TTC23: variants seen among roughly 807,000 people sequenced by gnomAD.
The protein encoded by TTC23 is tetratricopeptide repeat protein 23.
Under a neutral mutation model 55.1 loss-of-function variants are expected in TTC23, and 58 were observed. The observed-to-expected ratio is 1.05, with a 90% CI of 0.85 to 1.31. The LOEUF is 1.31. Among genes scored for constraint, TTC23 ranks in the 50% most tolerant of loss-of-function variants. The pLI is 0.00. For synonymous variants in TTC23, 203 were observed against 199.9 expected, an observed-to-expected ratio of 1.02 and a Z score of -0.13; for missense variants, 516 against 534.4, an observed-to-expected ratio of 0.97 and a Z score of 0.34.
chr15:99,213,972 G>C (rs2077243706), intron 8 of TTC23, among the ~76,000 whole-genome samples: 1 of 152,178 alleles, frequency 6.6e-6, no homozygotes, highest in Admixed American at 6.5e-5. Context: ...ATGCCAAATA[G>C]TTTTCTAAAG....
intron 10 of TTC23, among the ~76,000 whole-genome samples, chr15:99,162,922 C>CA (rs1193808660): frequency 2.5e-3 from 361 of 146,098 alleles, no homozygotes; most frequent in Admixed American, 6.9e-3. Context: ...TAAACAATAC[C>CA]AAAAAAAAAA....
intron 9 of TTC23, among the ~76,000 whole-genome samples, chr15:99,193,468 A>C (rs149264756): frequency 6.3e-4 from 96 of 152,240 alleles, no homozygotes; most frequent in African/African-American, 2.2e-3. Flanking sequence ...AGTTTCCCTG[A>C]CCAATCTGTT....
intron 9 of TTC23, among the ~76,000 whole-genome samples, chr15:99,179,911 A>C (rs181089986): frequency 4.6e-4 from 70 of 152,342 alleles, no homozygotes; most frequent in Non-Finnish European, 9.1e-4. Flanking sequence ...TAGTGTTTAG[A>C]CTACACTGTC....
intron 12 of TTC23, among the ~76,000 whole-genome samples, chr15:99,153,317 C>T (rs1248564706): frequency 1.3e-5 from 2 of 152,252 alleles, no homozygotes; most frequent in Non-Finnish European, 2.9e-5. Context: ...TCCCCCAGGT[C>T]TGGCTAGCAC....
At chr15:99,207,638 T>A (rs2076729352) in intron 8 of TTC23, among the ~76,000 whole-genome samples, 1 of 152,114 alleles carries the variant, frequency 6.6e-6, no homozygotes, top group African/African-American at 2.4e-5. Context: ...GTGCCTGTAA[T>A]CCCAACTACT....
chr15:99,226,913 A>G (rs768488298), intron 5 of TTC23, among the ~76,000 whole-genome samples: 1 of 152,194 alleles, frequency 6.6e-6, no homozygotes, highest in Non-Finnish European at 1.5e-5. Flanking sequence ...CAGGGTATGC[A>G]CCTTGTCTGT....
chr15:99,194,048 A>G (rs947949616), intron 9 of TTC23, among the ~76,000 whole-genome samples: 7 of 152,136 alleles, frequency 4.6e-5, no homozygotes, highest in African/African-American at 1.7e-4. Context: ...AACTTTTACT[A>G]AAGTTTTGAA....
chr15:99,197,547 G>A (rs376984646), intron 9 of TTC23, among the ~76,000 whole-genome samples: 2 of 151,978 alleles, frequency 1.3e-5, no homozygotes, highest in African/African-American at 4.8e-5. Flanking sequence ...ACTGTGCTAA[G>A]CTCTTTACAA....
chr15:99,149,684 C>T (rs1362926955), intron 12 of TTC23, among the ~76,000 whole-genome samples: 2 of 152,254 alleles, frequency 1.3e-5, no homozygotes, highest in Non-Finnish European at 2.9e-5. Context: ...AACCTGCCCA[C>T]AGACCACTGG....
intron 9 of TTC23, among the ~76,000 whole-genome samples, chr15:99,177,598 T>G (rs1234056648): frequency 6.6e-6 from 1 of 152,218 alleles, no homozygotes; most frequent in Non-Finnish European, 1.5e-5. Context: ...CCCTACTATC[T>G]CTACGATCTG....
At position 99,180,300 on chromosome 15, in the gene TTC23, C is replaced by CA. The variant is rs1317196137; in HGVS notation, c.760-5146dup. Among the ~76,000 whole-genome samples, 48 of 142,140 alleles carry CA rather than the reference C, an allele frequency of 3.4e-4. No individual in the cohort carries two copies. In the East Asian group the frequency reaches 5.3e-3, roughly 16 times the overall value. The allele number at this position is 142,140 out of a possible 152,430, so 93.2% of individuals were successfully genotyped here. ...CTGGCATGTTGGACTGGGTTAAAAA[C>CA]AAAAAAAAACTTCTAATATTCCACA... On this transcript the variant is annotated intron_variant, in intron 9 of 13. Transcript: ENST00000394132.
At position 99,221,600 on chromosome 15, in the gene TTC23, C is replaced by G. The variant is rs1239624502; in HGVS notation, c.304+141G>C. The G allele has an allele frequency of 7.3e-6, 8 of 1,094,526 alleles. No homozygotes were observed. In the Admixed American group the frequency reaches 1.4e-4, roughly 19 times the overall value. The allele number at this position is 1,094,526 out of a possible 1,614,324, so 67.8% of individuals were successfully genotyped here. A position where few individuals can be genotyped will look rare whatever the true frequency, so the allele number is the denominator to read the frequency against. ...TTACAGGTTATATACCTTATCAACT[C>G]TTTCTAAAAAGAAATGGCTTCTTGG... On this transcript the variant is annotated intron_variant, in intron 6 of 13. Coordinates refer to ENST00000394132, the MANE Select transcript of TTC23 (RefSeq NM_001288615.3).
chr15:99,152,967 A>G (rs1253515232), intron 12 of TTC23, among the ~76,000 whole-genome samples: 3 of 149,640 alleles, frequency 2.0e-5, no homozygotes, highest in Non-Finnish European at 4.5e-5. Context: ...CCAGCTAATT[A>G]TTTGTATTTT....
chr15:99,198,131 T>C (rs935490312), intron 9 of TTC23, among the ~76,000 whole-genome samples: 3 of 152,178 alleles, frequency 2.0e-5, no homozygotes, highest in Non-Finnish European at 2.9e-5. Flanking sequence ...AATCACTGTG[T>C]GTAAGTGGAT....
chr15:99,183,663 C>T (rs1464445689), intron 9 of TTC23, among the ~76,000 whole-genome samples: 1 of 151,858 alleles, frequency 6.6e-6, no homozygotes, highest in Non-Finnish European at 1.5e-5. Context: ...TCTAAGCAGC[C>T]GAGCATTCAA....
chr15:99,161,971 T>C, intron 10 of TTC23, 104 bp from the exon 11 acceptor site: 1 of 1,276,002 alleles, frequency 7.8e-7, no homozygotes, highest in Non-Finnish European at 1.0e-6. Context: ...GAAAGAGGTA[T>C]TGGGACAAGA....
intron 10 of TTC23, 148 bp downstream of exon 10, chr15:99,174,902 A>C: frequency 1.6e-6 from 1 of 623,482 alleles, no homozygotes; most frequent in Non-Finnish European, 2.8e-6. Context: ...GCAGCAGAGT[A>C]GCATAGGGGC....
intron 12 of TTC23, chr15:99,141,077 C>T (rs1248633015): frequency 6.6e-6 from 1 of 152,096 alleles, no homozygotes; most frequent in African/African-American, 2.4e-5. Flanking sequence ...CAAAAACTAC[C>T]AAGTTTTGTT....
chr15:99,196,516 G>A (rs554219613), intron 9 of TTC23, among the ~76,000 whole-genome samples: 47 of 152,278 alleles, frequency 3.1e-4, no homozygotes, highest in Non-Finnish European at 5.0e-4. Flanking sequence ...AAATGTTGCC[G>A]TGAGCCACAC....
Sources: gnomAD v4.1 joint callset for allele counts (sites outside exome capture counted in the v4.1 genomes callset) on GRCh38, gnomAD v4.1.1 for gene constraint, MANE v1.5 for transcripts, NCBI Gene and HGNC (gene_info 2026-07-23, HGNC 2026-07-21) for gene names.